Variants in TNPO3 observed in about 807,000 individuals in gnomAD.
TNPO3 encodes the protein transportin-3.
A neutral mutation model predicts 122.8 loss-of-function variants in TNPO3; 65 were observed. The ratio of observed to expected loss-of-function variants is 0.53; its 90% CI spans 0.43 to 0.65. The LOEUF is 0.65. Among genes scored for constraint, TNPO3 ranks in the 30% least tolerant of loss-of-function variants. The pLI is 0.00. For synonymous variants in TNPO3, 372 were observed against 411.2 expected, an observed-to-expected ratio of 0.90 and a Z score of 1.15; for missense variants, 850 against 1,136.7, an observed-to-expected ratio of 0.75 and a Z score of 3.63.
chr7:128,982,925 G>A (rs1051346756), intron 13 of TNPO3, among the ~76,000 whole-genome samples: 7 of 152,122 alleles, frequency 4.6e-5, no homozygotes, highest in African/African-American at 1.4e-4. Context: ...AAGGAAACAT[G>A]GTAGGTTCAG....
At chr7:129,011,801 G>GTA (rs1344449632) in intron 4 of TNPO3, among the ~76,000 whole-genome samples, 3 of 152,084 alleles carry the variant, frequency 2.0e-5, no homozygotes, top group Non-Finnish European at 4.4e-5. Context: ...TAAAAAATCT[G>GTA]TATATATATC....
intron 1 of TNPO3, among the ~76,000 whole-genome samples, chr7:129,027,558 CAAAAAAAAAAAAAAAAA>C (rs71162549): frequency 2.2e-4 from 2 of 8,972 alleles, no homozygotes; most frequent in African/African-American, 4.6e-4. Flanking sequence ...AAGACTGTCT[CAAAAAAAAAAAAAAAAA>C]AAAAAAAAAA....
chr7:128,968,273 G>C (rs890751485), intron 20 of TNPO3, among the ~76,000 whole-genome samples: 5 of 152,048 alleles, frequency 3.3e-5, no homozygotes, highest in Admixed American at 1.3e-4. Context: ...CCTGTTCTTT[G>C]TGTTAAAAAA....
chr7:129,017,919 G>T, intron 2 of TNPO3, 38 bp downstream of exon 2: 1 of 1,587,074 alleles, frequency 6.3e-7, no homozygotes, highest in Non-Finnish European at 8.7e-7. Flanking sequence ...AATCCAAATG[G>T]CCATACAAAT....
At chr7:129,019,018 C>T (rs1351852889) in intron 1 of TNPO3, among the ~76,000 whole-genome samples, 1 of 152,166 alleles carries the variant, frequency 6.6e-6, no homozygotes, top group African/African-American at 2.4e-5. Context: ...CGTGCCTGGC[C>T]CCTTCAATTA....
chr7:129,031,189 C>A (rs1805898456), intron 1 of TNPO3, among the ~76,000 whole-genome samples: 1 of 151,920 alleles, frequency 6.6e-6, no homozygotes, highest in Non-Finnish European at 1.5e-5. Flanking sequence ...GTCCCAGCTA[C>A]TTGGGAGGCT....
At chr7:128,998,405 A>G (rs1309815241) in intron 7 of TNPO3, among the ~76,000 whole-genome samples, 1 of 152,184 alleles carries the variant, frequency 6.6e-6, no homozygotes, top group Non-Finnish European at 1.5e-5. Context: ...CCTAGGCTGG[A>G]GCACAGTGGC....
chr7:128,983,109 G>A (rs1169749488), intron 13 of TNPO3, among the ~76,000 whole-genome samples: 1 of 152,144 alleles, frequency 6.6e-6, no homozygotes, highest in Non-Finnish European at 1.5e-5. Flanking sequence ...TGATGGGAAG[G>A]GAGGTCAGAT....
At chr7:128,984,950 G>A (rs1161765211) in intron 12 of TNPO3, among the ~76,000 whole-genome samples, 2 of 152,156 alleles carry the variant, frequency 1.3e-5, no homozygotes, top group East Asian at 3.8e-4. Context: ...TTCAAGTGGA[G>A]ACAGAAGGTC....
At position 129,000,540 on chromosome 7, in the gene TNPO3, A is replaced by G. The variant is rs1801826804; in HGVS notation, c.900T>C (p.Thr300=). ...DKVLNYCRIF[T]ELCETFLEKI... is the part of the protein sequence containing the mutation. ...TTTCAAGAAAAGTTTCACATAGTTC[A>G]GTGAAAATACGGCAGTAATTCAGAA... Residue 300 remains threonine (T), a synonymous_variant, in exon 7 of 23, where the codon ACT becomes ACC. Transcript: ENST00000265388. The G allele has an allele frequency of 1.9e-6, 3 of 1,613,878 alleles. No individual in the cohort carries two copies. The highest frequency in any genetic ancestry group is 1.3e-5 in the African/African-American group (1 of 74,936).
chr7:128,996,790 G>C (rs184843269), intron 8 of TNPO3, among the ~76,000 whole-genome samples: 132 of 143,462 alleles, frequency 9.2e-4, no homozygotes, highest in African/African-American at 3.0e-3. Flanking sequence ...TTTACATTCT[G>C]ATTTTTCTCT....
Position 129,011,719 on chromosome 7 carries a change from C to T in TNPO3, c.552+3260G>A, listed in dbSNP as rs373261984. ...ATCAGATGATATGAAAACTTACTAA[C>T]TTGAAAAGGTAAGCAGATGACTGAA... On this transcript the variant is annotated intron_variant, in intron 4 of 22. Transcript: ENST00000265388. Among the ~76,000 whole-genome samples the T allele has an allele frequency of 5.3e-5, 8 of 152,132 alleles. No homozygotes were observed. In the East Asian group the frequency reaches 9.6e-4, roughly 18 times the overall value.
At chr7:128,998,254 G>C (rs540312171) in intron 7 of TNPO3, among the ~76,000 whole-genome samples, 4 of 152,168 alleles carry the variant, frequency 2.6e-5, no homozygotes, top group South Asian at 2.1e-4. Context: ...CAGCTACTCA[G>C]GAGGCTGAGG....
chr7:129,012,120 C>G (rs1317942401), intron 4 of TNPO3, among the ~76,000 whole-genome samples: 2 of 151,358 alleles, frequency 1.3e-5, no homozygotes, highest in Admixed American at 6.6e-5. Flanking sequence ...ATTCTCCTGC[C>G]TCAGCCTCCC....
intron 1 of TNPO3, among the ~76,000 whole-genome samples, chr7:129,048,661 A>C (rs1221339446): frequency 1.3e-5 from 2 of 151,644 alleles, no homozygotes; most frequent in African/African-American, 4.8e-5. Context: ...AAAAAGAAAG[A>C]AAAAAAAAGA....
At chr7:128,971,428 G>A (rs1798481025) in intron 19 of TNPO3, among the ~76,000 whole-genome samples, 2 of 152,212 alleles carry the variant, frequency 1.3e-5, no homozygotes, top group African/African-American at 2.4e-5. Flanking sequence ...TTACAGGCGT[G>A]AGCCACTGCG....
chr7:128,986,400 G>A (rs1239296630), intron 12 of TNPO3, among the ~76,000 whole-genome samples: 2 of 152,156 alleles, frequency 1.3e-5, no homozygotes, highest in Non-Finnish European at 2.9e-5. Context: ...CTTTGGTATG[G>A]CAATGCTTCT....
In TNPO3 at chr7:129,005,177, C is replaced by A. The variant is rs1261825947; in HGVS notation, c.553-18G>T. On this transcript the variant is annotated intron_variant, in intron 4 of 22. Transcript: ENST00000265388. Reference sequence around the variant, plus strand: ...CAGGTCATCTGAATAGAGAAAAAAACTTAAAATGAATAATGTTAATCTATA... The same window carrying A: ...CAGGTCATCTGAATAGAGAAAAAAAATTAAAATGAATAATGTTAATCTATA... 1.9e-6 allele frequency: 3 copies of A among 1,600,978 alleles called. No individual in the cohort carries two copies. The highest frequency in any genetic ancestry group is 2.7e-5 in the African/African-American group (2 of 74,366).
At chr7:128,965,479 T>G (rs968685512) in intron 21 of TNPO3, among the ~76,000 whole-genome samples, 1 of 152,200 alleles carries the variant, frequency 6.6e-6, no homozygotes, top group Non-Finnish European at 1.5e-5. Flanking sequence ...TGGAACTTTG[T>G]GCACTGCTAG....
Sources: gnomAD v4.1 joint callset for allele counts (sites outside exome capture counted in the v4.1 genomes callset) on GRCh38, gnomAD v4.1.1 for gene constraint, MANE v1.5 for transcripts, NCBI Gene and HGNC (gene_info 2026-07-23, HGNC 2026-07-21) for gene names.